The following MACROD2 variants were observed in gnomAD, a reference collection of about 807,000 sequenced individuals.
MACROD2 encodes ADP-ribose glycohydrolase MACROD2.
A neutral mutation model predicts 70.4 loss-of-function variants in MACROD2; 36 were observed. The observed-to-expected ratio is 0.51, with a 90% CI of 0.39 to 0.68. MACROD2 has a LOEUF of 0.68. MACROD2 is among the 30% of genes least tolerant of loss of function. The pLI is 0.00. For missense variants in MACROD2, 496 were observed against 538.4 expected (o/e 0.92, Z 0.78); for synonymous variants, 172 against 178.8 (o/e 0.96, Z 0.30).
At chr20:15,079,948 A>G (rs930676418) in intron 5 of MACROD2, among the ~76,000 whole-genome samples, 1 of 151,986 alleles carries the variant, frequency 6.6e-6, no homozygotes, top group East Asian at 1.9e-4. Flanking sequence ...AGCTATCACC[A>G]GAGAACTTTG....
At chr20:15,279,338 G>A (rs1226056601) in intron 6 of MACROD2, among the ~76,000 whole-genome samples, 1 of 152,108 alleles carries the variant, frequency 6.6e-6, no homozygotes, top group East Asian at 1.9e-4. Flanking sequence ...TTGCAGGAAA[G>A]CCGGGCTGCT....
intron 6 of MACROD2, among the ~76,000 whole-genome samples, chr20:15,378,910 C>T (rs1242933973): frequency 6.6e-6 from 1 of 152,134 alleles, no homozygotes; most frequent in African/African-American, 2.4e-5. Context: ...AAGATGACTG[C>T]ATGGTGACTC....
chr20:14,752,625 T>A (rs772762770), intron 5 of MACROD2, among the ~76,000 whole-genome samples: 1 of 152,116 alleles, frequency 6.6e-6, no homozygotes, highest in Non-Finnish European at 1.5e-5. Context: ...CATCTAATAA[T>A]GTCTCCTTCC....
intron 5 of MACROD2, among the ~76,000 whole-genome samples, chr20:15,142,585 A>C (rs1355513481): frequency 6.6e-6 from 1 of 152,114 alleles, no homozygotes; most frequent in Non-Finnish European, 1.5e-5. Context: ...ATATGTATAC[A>C]TGTGCCATGT....
intron 8 of MACROD2, among the ~76,000 whole-genome samples, chr20:15,710,363 C>T (rs2050608994): frequency 6.6e-6 from 1 of 152,064 alleles, no homozygotes; most frequent in African/African-American, 2.4e-5. Context: ...CAACAGCAAG[C>T]TATACACAGA....
At chr20:15,572,783 T>C (rs796481497) in intron 8 of MACROD2, among the ~76,000 whole-genome samples, 2 of 152,116 alleles carry the variant, frequency 1.3e-5, no homozygotes, top group African/African-American at 4.8e-5. Context: ...ATTGATGGAG[T>C]GTATGTTTTT....
At chr20:14,588,778 T>C (rs11907024) in intron 4 of MACROD2, among the ~76,000 whole-genome samples, 6,848 of 152,258 alleles carry the variant, frequency 0.045, 527 homozygotes, top group African/African-American at 0.15. Flanking sequence ...ATATATTATC[T>C]ACGTTACATG....
At chr20:15,910,898 A>G (rs565675848) in intron 10 of MACROD2, among the ~76,000 whole-genome samples, 1 of 152,316 alleles carries the variant, frequency 6.6e-6, no homozygotes, top group East Asian at 1.9e-4. Context: ...CTAATTTACC[A>G]GTTGCATCAG....
intron 6 of MACROD2, among the ~76,000 whole-genome samples, chr20:15,384,354 A>AG: frequency 6.6e-6 from 1 of 152,064 alleles, no homozygotes; most frequent in Non-Finnish European, 1.5e-5. Flanking sequence ...CCCACTCCCC[A>AG]GGTTCAAGGG....
chr20:14,827,658 G>A (rs2072917099), intron 5 of MACROD2, among the ~76,000 whole-genome samples: 1 of 150,216 alleles, frequency 6.7e-6, no homozygotes, highest in Non-Finnish European at 1.5e-5. Context: ...TAGTAACTGT[G>A]TTTTATTTTT....
intron 2 of MACROD2, among the ~76,000 whole-genome samples, chr20:14,011,135 T>A (rs1238347160): frequency 1.3e-5 from 2 of 152,206 alleles, no homozygotes; most frequent in African/African-American, 4.8e-5. Flanking sequence ...ACCACTTTGA[T>A]ATTTGTGGTG....
At chr20:15,153,862 T>C (rs149572568) in intron 5 of MACROD2, among the ~76,000 whole-genome samples, 85 of 152,272 alleles carry the variant, frequency 5.6e-4, no homozygotes, top group African/African-American at 1.8e-3. Context: ...TGGAAACCCA[T>C]GGAGCTGTAT....
chr20:16,052,241 C>T lies in MACROD2; in HGVS notation c.*2365C>T, dbSNP rs1197450996. On this transcript the variant is annotated 3_prime_UTR_variant, in exon 18 of 18. Coordinates refer to ENST00000684519, the MANE Select transcript of MACROD2 (RefSeq NM_001351661.2). ...TAAAACAAATGATAAAGTTAATTTCCAATTCAATAGTGAAATATTAACAAT... is the reference window on the plus strand; with the variant it reads ...TAAAACAAATGATAAAGTTAATTTCTAATTCAATAGTGAAATATTAACAAT... The T allele has an allele frequency of 2.0e-5, 3 of 152,064 alleles. No homozygotes were observed. Among genetic ancestry groups the T allele is most frequent in the Non-Finnish European group, 4.4e-5 (3 of 68,018 alleles). 9.4% of individuals were successfully genotyped at this position (152,064 alleles called of 1,614,324 possible).
At chr20:15,495,105 T>A (rs898481307) in intron 7 of MACROD2, among the ~76,000 whole-genome samples, 4 of 152,152 alleles carry the variant, frequency 2.6e-5, no homozygotes, top group Non-Finnish European at 5.9e-5. Context: ...GTCTGTAGCC[T>A]CCCCTCCGGG....
chr20:15,348,561 G>A (rs1178762186), intron 6 of MACROD2, among the ~76,000 whole-genome samples: 1 of 152,132 alleles, frequency 6.6e-6, no homozygotes, highest in Non-Finnish European at 1.5e-5. Context: ...TCAAAACTGG[G>A]TAATTTATAA....
intron 5 of MACROD2, among the ~76,000 whole-genome samples, chr20:15,066,650 C>T (rs749800474): frequency 1.1e-4 from 17 of 151,888 alleles, no homozygotes; most frequent in Non-Finnish European, 2.1e-4. Context: ...GAGGCCGAGG[C>T]GGGTAGATTG....
chr20:14,322,127 T>C (rs2082666559), intron 3 of MACROD2, among the ~76,000 whole-genome samples: 1 of 139,610 alleles, frequency 7.2e-6, no homozygotes, highest in African/African-American at 2.6e-5. Flanking sequence ...TATGTATAAT[T>C]ATTGAGTGCC....
chr20:14,587,136 C>T (rs1981435939), intron 4 of MACROD2, among the ~76,000 whole-genome samples: 1 of 151,742 alleles, frequency 6.6e-6, no homozygotes, highest in African/African-American at 2.4e-5. Context: ...AAATTGGCTG[C>T]ACACCTTTAT....
intron 2 of MACROD2, among the ~76,000 whole-genome samples, chr20:14,043,583 A>G (rs943791320): frequency 1.3e-5 from 2 of 152,334 alleles, no homozygotes; most frequent in East Asian, 3.9e-4. Context: ...TTATGAGCTA[A>G]TACTTATAGA....
Sources: allele counts gnomAD v4.1 joint callset (sites outside exome capture counted in the v4.1 genomes callset), GRCh38; gene constraint gnomAD v4.1.1; transcripts MANE v1.5; gene names NCBI Gene and HGNC (gene_info 2026-07-23, HGNC 2026-07-21).